MPP7: variants seen among roughly 807,000 people sequenced by gnomAD.
The protein encoded by MPP7 is MAGUK p55 subfamily member 7.
Under a neutral mutation model 76.5 loss-of-function variants are expected in MPP7, and 60 were observed. That is an observed-to-expected ratio of 0.78 (90% CI 0.64 to 0.97). The LOEUF (loss-of-function observed/expected upper bound fraction) is 0.97, where lower values mean the gene tolerates loss of function less well. Among genes scored for constraint, MPP7 ranks in the 50% least tolerant of loss-of-function variants. MPP7 has a pLI of 0.00. For synonymous variants in MPP7, 237 were observed against 244.5 expected, an observed-to-expected ratio of 0.97 and a Z score of 0.29; for missense variants, 641 against 694.0, an observed-to-expected ratio of 0.92 and a Z score of 0.86.
intron 1 of MPP7, among the ~76,000 whole-genome samples, chr10:28,265,044 G>A (rs1180844680): frequency 6.6e-6 from 1 of 152,128 alleles, no homozygotes; most frequent in Non-Finnish European, 1.5e-5. Context: ...TCAAGAGATA[G>A]AACAGTACTC....
chr10:28,228,483 T>C (rs540252424), intron 2 of MPP7, among the ~76,000 whole-genome samples: 1 of 152,264 alleles, frequency 6.6e-6, no homozygotes, highest in Admixed American at 6.5e-5. Flanking sequence ...CAGCACTTCT[T>C]GGCCAGGCAC....
chr10:28,057,544 T>C, intron 15 of MPP7: 1 of 246,178 alleles, frequency 4.1e-6, no homozygotes, highest in African/African-American at 2.4e-5. Context: ...TCCCCAGAGC[T>C]GAGCAGATGC....
Position 28,202,274 on chromosome 10 carries a change from A to G in MPP7, c.38-3T>C, listed in dbSNP as rs1471178360. The stretch of plus-strand genomic sequence containing the variant: ...AGCAGCCAACAGCTCATACAGACCT[A>G]TAAAATGAAAATAAAACACAAAGTG... On this transcript the variant is annotated splice_polypyrimidine_tract_variant and splice_region_variant and intron_variant, in intron 2 of 16. Transcript: ENST00000683449. 1.3e-6 allele frequency: 2 copies of G among 1,595,480 alleles called. No individual in the cohort carries two copies. Among genetic ancestry groups the G allele is most frequent in the Non-Finnish European group, 1.7e-6 (2 of 1,166,408 alleles).
chr10:28,203,212 C>CTACA (rs908192025), intron 2 of MPP7: 1 of 152,250 alleles, frequency 6.6e-6, no homozygotes, highest in African/African-American at 2.4e-5. Context: ...CTCCTGGGAC[C>CTACA]TACAACACAT....
chr10:28,106,425 C>G (rs1418642722), intron 11 of MPP7, among the ~76,000 whole-genome samples: 1 of 152,138 alleles, frequency 6.6e-6, no homozygotes, highest in Non-Finnish European at 1.5e-5. Context: ...CATCTCCAAA[C>G]TGGAGATTTC....
chr10:28,219,012 A>G (rs1838406938), intron 2 of MPP7, among the ~76,000 whole-genome samples: 1 of 152,208 alleles, frequency 6.6e-6, no homozygotes, highest in Non-Finnish European at 1.5e-5. Flanking sequence ...TATTGATCTA[A>G]CTATATATCA....
At chr10:28,305,678 A>T (rs1349986936), upstream of MPP7, 2 of 152,264 alleles carry the variant, frequency 1.3e-5, no homozygotes, top group African/African-American at 4.8e-5. Context: ...AGAGAACAAC[A>T]GAAGAGCATT....
At chr10:28,141,518 T>G (rs1835517736) in intron 5 of MPP7, among the ~76,000 whole-genome samples, 1 of 152,150 alleles carries the variant, frequency 6.6e-6, no homozygotes, top group Non-Finnish European at 1.5e-5. Context: ...TTAACATGTT[T>G]ACTGTATAGA....
intron 11 of MPP7, among the ~76,000 whole-genome samples, chr10:28,099,962 AT>A (rs1279782400): frequency 2.0e-5 from 3 of 151,962 alleles, no homozygotes. Context: ...TAAAATGCAT[AT>A]TTTTTTAATC....
chr10:28,330,868 C>T (rs905931879), intron 1 of MPP7, among the ~76,000 whole-genome samples: 3 of 151,980 alleles, frequency 2.0e-5, no homozygotes, highest in Non-Finnish European at 2.9e-5. Flanking sequence ...CCCATGTTGC[C>T]CAGACTAGTC....
chr10:28,151,869 T>C (rs1001109239), intron 3 of MPP7, among the ~76,000 whole-genome samples: 2 of 152,166 alleles, frequency 1.3e-5, no homozygotes, highest in Non-Finnish European at 2.9e-5. Flanking sequence ...CTGCGATCCT[T>C]GGCTGCCTAA....
Position 28,274,109 on chromosome 10 carries a change from T to C in MPP7, c.-132+28752A>G, listed in dbSNP as rs974967014. Among the ~76,000 whole-genome samples the C allele has an allele frequency of 1.5e-4, 22 of 147,518 alleles. 1 individual carries two copies. The highest frequency in any genetic ancestry group is 1.2e-3 in the East Asian group (6 of 5,108). On this transcript the variant is annotated intron_variant, in intron 1 of 16. Coordinates refer to ENST00000683449, the MANE Select transcript of MPP7 (RefSeq NM_001318170.2). ...TAAAATAAAATTTTTTTCTTTTTTT[T>C]TTTTTTTTTTTGAGATGGAGTCTCA...
At chr10:28,274,101 CTT>C (rs60127503) in intron 1 of MPP7, among the ~76,000 whole-genome samples, 22 of 123,626 alleles carry the variant, frequency 1.8e-4, no homozygotes, top group East Asian at 2.3e-4. Flanking sequence ...AAATTTTTTT[CTT>C]TTTTTTTTTT....
intron 2 of MPP7, among the ~76,000 whole-genome samples, chr10:28,206,557 T>C (rs1837955504): frequency 6.6e-6 from 1 of 152,178 alleles, no homozygotes; most frequent in Admixed American, 6.5e-5. Context: ...AGGTAAAATA[T>C]ATTAATTTAG....
chr10:28,160,131 C>T (rs1836210653), intron 3 of MPP7, among the ~76,000 whole-genome samples: 1 of 148,690 alleles, frequency 6.7e-6, no homozygotes. Context: ...AAAAAAAAGT[C>T]TTCCAAACAC....
intron 2 of MPP7, among the ~76,000 whole-genome samples, chr10:28,327,015 G>A (rs1291187972): frequency 6.6e-6 from 1 of 152,148 alleles, no homozygotes; most frequent in African/African-American, 2.4e-5. Context: ...GATGCCAGGA[G>A]AGTCTGGATA....
intron 2 of MPP7, among the ~76,000 whole-genome samples, chr10:28,221,437 G>T (rs565780646): frequency 2.0e-5 from 3 of 152,278 alleles, no homozygotes; most frequent in East Asian, 3.9e-4. Flanking sequence ...GACTGGTGAT[G>T]CATAAAGAAC....
At chr10:28,258,115 C>A (rs1295949725) in intron 1 of MPP7, among the ~76,000 whole-genome samples, 1 of 151,914 alleles carries the variant, frequency 6.6e-6, no homozygotes, top group East Asian at 1.9e-4. Context: ...GTAGGTTACA[C>A]CTCCATTCCA....
intron 12 of MPP7, among the ~76,000 whole-genome samples, chr10:28,082,924 A>G (rs754757093): frequency 2.0e-5 from 3 of 152,220 alleles, no homozygotes; most frequent in African/African-American, 7.2e-5. Flanking sequence ...AAACCATACT[A>G]GGTGCATGAA....
Sources: gnomAD v4.1 joint callset for allele counts (sites outside exome capture counted in the v4.1 genomes callset) on GRCh38, gnomAD v4.1.1 for gene constraint, MANE v1.5 for transcripts, NCBI Gene and HGNC (gene_info 2026-07-23, HGNC 2026-07-21) for gene names.